Variants in CHD3 observed in about 807,000 individuals in gnomAD.
The protein encoded by CHD3 is ATP-dependent chromatin remodeler CHD3.
Under a neutral mutation model 248.9 loss-of-function variants are expected in CHD3, and 52 were observed. The ratio of observed to expected loss-of-function variants is 0.21; its 90% CI spans 0.17 to 0.26. The LOEUF (loss-of-function observed/expected upper bound fraction) is 0.26, where lower values mean the gene tolerates loss of function less well. Among genes scored for constraint, CHD3 ranks in the 10% least tolerant of loss-of-function variants. The probability of loss-of-function intolerance (pLI) is 1.00; values close to 1 mark genes in which losing one functional copy is unlikely to be tolerated. For synonymous variants in CHD3, 985 were observed against 985.2 expected, an observed-to-expected ratio of 1.00 and a Z score of 0.00; for missense variants, 1,482 against 2,605.8, an observed-to-expected ratio of 0.57 and a Z score of 9.39.
chr17:7,884,996 C>T, upstream of CHD3: 3 of 1,238,868 alleles, frequency 2.4e-6, no homozygotes, highest in Non-Finnish European at 3.0e-6. Context: ...GGGCCGCGAC[C>T]GCCACAGCCC....
rs1189652403 is a variant in CHD3 at position 7,889,093 on chromosome 17, G to A, written c.93G>A (p.Arg31=). Residue 31 remains arginine (R), a synonymous_variant, in exon 1 of 40, where the codon AGG becomes AGA. Coordinates refer to ENST00000330494, the MANE Select transcript of CHD3 (RefSeq NM_001005273.3). This position sits in a 1 kb window ranked among gnomAD's most constrained non-coding sequence, Gnocchi z 4.5. ...CTCCAGGACTGTGTTGGGGTGACAG[G>A]ATGCCTGGTAATTATCCGAGGAAAT... ...SFPPGLCWGD[R]MPDKDDIRLL... is the part of the protein sequence containing the mutation. The A allele has an allele frequency of 6.2e-7, 1 of 1,614,084 alleles. No homozygotes were observed. The highest frequency in any genetic ancestry group is 8.5e-7 in the Non-Finnish European group (1 of 1,180,020).
Position 7,895,571 on chromosome 17 carries a change from C to T in CHD3, c.1707+29C>T. 1.3e-6 allele frequency: 2 copies of T among 1,585,798 alleles called. No individual in the cohort carries two copies. The highest frequency in any genetic ancestry group is 1.7e-6 in the Non-Finnish European group (2 of 1,155,238). ...CTAGGACCTTTTCTTTCCCTCTCCC[C>T]CATGACCTCATTTCCTGCCATCCTC... On this transcript the variant is annotated intron_variant, in intron 10 of 39. Coordinates refer to ENST00000330494, the MANE Select transcript of CHD3 (RefSeq NM_001005273.3). This position sits in a 1 kb window ranked among gnomAD's most constrained non-coding sequence, Gnocchi z 4.9.
In CHD3 at chr17:7,910,420, G is replaced by A. The variant is rs1971504268; in HGVS notation, c.5591-8G>A. The A allele has an allele frequency of 6.2e-7, 1 of 1,613,792 alleles. No homozygotes were observed. Among genetic ancestry groups the A allele is most frequent in the Non-Finnish European group, 8.5e-7 (1 of 1,179,960 alleles). The stretch of plus-strand genomic sequence containing the variant: ...CTTGCCCTTCTTTCTCTGTGGCCCG[G>A]GCCCCAGTTCTGAACCAGCTGGAGG... On this transcript the variant is annotated splice_polypyrimidine_tract_variant and splice_region_variant and intron_variant, in intron 37 of 39. Coordinates refer to ENST00000330494, the MANE Select transcript of CHD3 (RefSeq NM_001005273.3). The surrounding 1 kb of genome is among the most constrained non-coding windows in gnomAD (Gnocchi z 4.7).
chr17:7,890,437 A>C, intron 2 of CHD3, 134 bp from the exon 3 acceptor site: 1 of 677,846 alleles, frequency 1.5e-6, no homozygotes, highest in Non-Finnish European at 2.4e-6. Context: ...TCCAAAAAAA[A>C]AAAGGAGATA....
Position 7,905,123 on chromosome 17 carries a change from G to T in CHD3, c.4096G>T (p.Gly1366Cys). The change falls in exon 26 of 40, where the codon GGT becomes TGT. Residue 1366 changes from glycine to cysteine, a missense_variant. By Grantham distance (159) the Gly-to-Cys change is radical. This residue lies in a region of CHD3 where 156 missense variants were observed against 420.3 expected (regional missense o/e 0.37). Coordinates refer to ENST00000330494, the MANE Select transcript of CHD3 (RefSeq NM_001005273.3). The surrounding 1 kb of genome is among the most constrained non-coding windows in gnomAD (Gnocchi z 5.8). Reference protein sequence around the residue: ...DQDNQSEYSVGSEEEDEDFDE... With the variant: ...DQDNQSEYSVCSEEEDEDFDE... ...AGACAACCAGTCAGAGTACTCGGTG[G>T]GTTCAGAGGAGGAGGATGAAGACTT... 6.2e-7 allele frequency: 1 copy of T among 1,614,194 alleles called. No homozygotes were observed. Among genetic ancestry groups the T allele is most frequent in the Non-Finnish European group, 8.5e-7 (1 of 1,180,024 alleles).
upstream of CHD3, chr17:7,884,796 A>C: frequency 1.8e-6 from 1 of 542,278 alleles, no homozygotes; most frequent in Non-Finnish European, 2.8e-6. Flanking sequence ...TGGGGGGGCC[A>C]GAGCCACAGG....
chr17:7,889,769 AG>A lies in CHD3; in HGVS notation c.207del (p.Lys70SerfsTer71). ...AAGCCAGGAAAACCCCGAAAACGCA[AG>A]AAGCGTGTAAGTGTCAAGAATTCCT... ...ENKPGKPRKR[K>X]KRDSEEEFGS... On this transcript the variant is annotated frameshift_variant, in exon 2 of 40. Transcript: ENST00000330494. LOFTEE classifies it high-confidence loss of function. The surrounding 1 kb of genome is among the most constrained non-coding windows in gnomAD (Gnocchi z 4.5). 1 of 1,610,290 alleles carries A rather than the reference AG, an allele frequency of 6.2e-7. No homozygotes were observed. Among genetic ancestry groups the A allele is most frequent in the Non-Finnish European group, 8.5e-7 (1 of 1,177,738 alleles).
chr17:7,891,113 G>A (rs1018607132), intron 4 of CHD3, 49 bp downstream of exon 4: 15 of 1,603,582 alleles, frequency 9.4e-6, no homozygotes, highest in Non-Finnish European at 1.2e-5. Flanking sequence ...TTAATTTGAG[G>A]GAGGTCCTGG....
chr17:7,906,153 C>G lies in CHD3; in HGVS notation c.4358+164C>G, dbSNP rs1970910941. ...GATTTCCTGGGGGGTGGTCTCAGCCCACTCCACCTCCCCTCAGCCGAGCCT... is the reference window on the plus strand; with the variant it reads ...GATTTCCTGGGGGGTGGTCTCAGCCGACTCCACCTCCCCTCAGCCGAGCCT... On this transcript the variant is annotated intron_variant, in intron 28 of 39. Coordinates refer to ENST00000330494, the MANE Select transcript of CHD3 (RefSeq NM_001005273.3). This position sits in a 1 kb window ranked among gnomAD's most constrained non-coding sequence, Gnocchi z 5.0. The G allele has an allele frequency of 1.8e-6, 2 of 1,084,552 alleles. No individual in the cohort carries two copies. Among genetic ancestry groups the G allele is most frequent in the East Asian group, 4.7e-5 (2 of 42,388 alleles). 67.2% of individuals were successfully genotyped at this position (1,084,552 alleles called of 1,614,324 possible). A position where few individuals can be genotyped will look rare whatever the true frequency, so the allele number is the denominator to read the frequency against.
upstream of CHD3, chr17:7,884,805 G>A: frequency 1.4e-6 from 1 of 697,050 alleles, no homozygotes; most frequent in East Asian, 3.6e-5. Context: ...CAGAGCCACA[G>A]GATGGCTTCC....
intron 20 of CHD3, among the ~76,000 whole-genome samples, chr17:7,901,963 C>A (rs1188889862): frequency 6.6e-6 from 1 of 151,994 alleles, no homozygotes; most frequent in African/African-American, 2.4e-5. Flanking sequence ...AGGGCACAGA[C>A]CCTTTGGAAA....
At position 7,895,661 on chromosome 17, in the gene CHD3, T is replaced by A; in HGVS notation, c.1707+119T>A. ...TTTGTTTTCTCTCATTTCAGGCCTGTGGCCTTCATACCCTACTTGCTTAGT... is the reference window on the plus strand; with the variant it reads ...TTTGTTTTCTCTCATTTCAGGCCTGAGGCCTTCATACCCTACTTGCTTAGT... On this transcript the variant is annotated intron_variant, in intron 10 of 39. Transcript: ENST00000330494. This position sits in a 1 kb window ranked among gnomAD's most constrained non-coding sequence, Gnocchi z 4.9. 1 of 605,128 alleles carries A rather than the reference T, an allele frequency of 1.7e-6. No homozygotes were observed. Among genetic ancestry groups the A allele is most frequent in the Non-Finnish European group, 2.9e-6 (1 of 341,840 alleles). 37.5% of individuals were successfully genotyped at this position (605,128 alleles called of 1,614,324 possible).
At position 7,903,703 on chromosome 17, in the gene CHD3, T is replaced by C; in HGVS notation, c.3728-122T>C. ...CAAACAAAACAAAAACCTTTCAACA[T>C]TGGCTCCCGGGGAAAAAGCCTTCTC... On this transcript the variant is annotated intron_variant, in intron 23 of 39. Coordinates refer to ENST00000330494, the MANE Select transcript of CHD3 (RefSeq NM_001005273.3). This position sits in a 1 kb window ranked among gnomAD's most constrained non-coding sequence, Gnocchi z 6.8. 8.5e-7 allele frequency: 1 copy of C among 1,181,684 alleles called. No homozygotes were observed. Among genetic ancestry groups the C allele is most frequent in the Non-Finnish European group, 1.2e-6 (1 of 845,784 alleles). 73.2% of individuals were successfully genotyped at this position (1,181,684 alleles called of 1,614,324 possible).
At position 7,897,871 on chromosome 17, in the gene CHD3, T is replaced by G; in HGVS notation, c.1920-100T>G. 1 of 1,359,958 alleles carries G rather than the reference T, an allele frequency of 7.4e-7. No individual in the cohort carries two copies. 84.2% of individuals were successfully genotyped at this position (1,359,958 alleles called of 1,614,324 possible). A position where few individuals can be genotyped will look rare whatever the true frequency, so the allele number is the denominator to read the frequency against. On this transcript the variant is annotated intron_variant, in intron 11 of 39. Coordinates refer to ENST00000330494, the MANE Select transcript of CHD3 (RefSeq NM_001005273.3). The surrounding 1 kb of genome is among the most constrained non-coding windows in gnomAD (Gnocchi z 4.8). Reference sequence around the variant, plus strand: ...ACTGTTGACGGTTGGGTGACAAATTTTGTGTGTTTGCTGATAATTGCGTTT... The same window carrying G: ...ACTGTTGACGGTTGGGTGACAAATTGTGTGTGTTTGCTGATAATTGCGTTT...
In CHD3 at chr17:7,889,912, C is replaced by T. The variant is rs1186083069; in HGVS notation, c.213+136C>T. The T allele has an allele frequency of 2.0e-5, 15 of 767,370 alleles. No individual in the cohort carries two copies. The highest frequency in any genetic ancestry group is 1.3e-5 in the Non-Finnish European group (6 of 470,076). 47.5% of individuals were successfully genotyped at this position (767,370 alleles called of 1,614,324 possible). ...GGGAGGCTTGATCCCCCGGGCCCCC[C>T]ACTTCCCTGCCACTGTTGGCCTGTA... On this transcript the variant is annotated intron_variant, in intron 2 of 39. Coordinates refer to ENST00000330494, the MANE Select transcript of CHD3 (RefSeq NM_001005273.3). The surrounding 1 kb of genome is among the most constrained non-coding windows in gnomAD (Gnocchi z 4.5).
At position 7,894,218 on chromosome 17, in the gene CHD3, G is replaced by A. The variant is rs138539483; in HGVS notation, c.1028G>A (p.Arg343His). ...TCAGGCCGGCCTGATGGCCCTGTCC[G>A]CACCAAGAAACTAAAGAGAGGCCGG... ...SASGRPDGPV[R>H]TKKLKRGRPG... Residue 343 changes from arginine to histidine, a missense_variant, in exon 7 of 40, where the codon CGC (arginine) becomes CAC (histidine). Arg to His is a conservative substitution (Grantham distance 29). Transcript: ENST00000330494. The A allele has an allele frequency of 1.5e-3, 2,434 of 1,614,178 alleles. 3 individuals are homozygous for A. The highest frequency in any genetic ancestry group is 1.6e-3 in the Non-Finnish European group (1,878 of 1,180,022).
At chr17:7,892,729 T>G (rs1170513528) in intron 4 of CHD3, among the ~76,000 whole-genome samples, 2 of 152,128 alleles carry the variant, frequency 1.3e-5, no homozygotes, top group Non-Finnish European at 2.9e-5. Flanking sequence ...TCTCTTGACC[T>G]CGTGATCCTC....
In CHD3 at chr17:7,907,843, C is replaced by T; in HGVS notation, c.5027-51C>T. 1 of 1,582,384 alleles carries T rather than the reference C, an allele frequency of 6.3e-7. No individual in the cohort carries two copies. Among genetic ancestry groups the T allele is most frequent in the South Asian group, 1.1e-5 (1 of 88,114 alleles). On this transcript the variant is annotated intron_variant, in intron 33 of 39. Coordinates refer to ENST00000330494, the MANE Select transcript of CHD3 (RefSeq NM_001005273.3). This position sits in a 1 kb window ranked among gnomAD's most constrained non-coding sequence, Gnocchi z 4.3. ...ACAGTACAGATAGTAGTCTTGGGAC[C>T]TGGGAGGAGGGTGTCCTGAGGTGTG...
At chr17:7,884,872 AGAGGAGGAAGAAGAGGGCGACGAG>A, upstream of CHD3, 1 of 1,227,984 alleles carries the variant, frequency 8.1e-7, no homozygotes, top group Non-Finnish European at 1.1e-6. Context: ...AGGAGGAAGA[AGAGGAGGAAGAAGAGGGCGACGAG>A]GAGGAGGAGG....
Sources: gnomAD v4.1 joint callset for allele counts (sites outside exome capture counted in the v4.1 genomes callset) on GRCh38, gnomAD v4.1.1 for gene constraint, gnomAD v4.1.1 regional missense constraint, Gnocchi (gnomAD v3.1) non-coding constraint, MANE v1.5 for transcripts, NCBI Gene and HGNC (gene_info 2026-07-23, HGNC 2026-07-21) for gene names.